The following AHCYL1 variants were observed in gnomAD, a reference collection of about 807,000 sequenced individuals.
AHCYL1 encodes the protein adenosylhomocysteinase like 1, also known as S-adenosylhomocysteine hydrolase-like protein 1.
Under a neutral mutation model 79.3 loss-of-function variants are expected in AHCYL1, and 20 were observed. The ratio of observed to expected loss-of-function variants is 0.25; its 90% CI spans 0.18 to 0.37. The LOEUF (loss-of-function observed/expected upper bound fraction) is 0.37. Ranked by LOEUF, AHCYL1 falls within the 10% of genes least tolerant of loss-of-function variation. AHCYL1 has a pLI of 1.00. For synonymous variants in AHCYL1, 223 were observed against 242.2 expected, an observed-to-expected ratio of 0.92 and a Z score of 0.74; for missense variants, 330 against 673.6, an observed-to-expected ratio of 0.49 and a Z score of 5.65.
chr1:110,016,721 C>G lies in AHCYL1; in HGVS notation c.954C>G (p.Gly318=), dbSNP rs757610161. 1 of 1,614,082 alleles carries G rather than the reference C, an allele frequency of 6.2e-7. No individual in the cohort carries two copies. The highest frequency in any genetic ancestry group is 8.5e-7 in the Non-Finnish European group (1 of 1,180,020). ...GTGGGAAACAAGTGGTGGTGTGTGGCTATGGTGAGGTAAATAGCTGGGTCT... is the reference window on the plus strand; with the variant it reads ...GTGGGAAACAAGTGGTGGTGTGTGGGTATGGTGAGGTAAATAGCTGGGTCT... ...MFGGKQVVVC[G]YGEVGKGCCA... The change falls in exon 9 of 17, where the codon GGC becomes GGG. Residue 318 remains glycine (G), a synonymous_variant. Coordinates refer to ENST00000369799, the MANE Select transcript of AHCYL1 (RefSeq NM_006621.7).
In AHCYL1 at chr1:110,019,470, C is replaced by T. The variant is rs1010767812; in HGVS notation, c.1387-78C>T. ...GATCACTGTAGTACTTACCCAAATG[C>T]TGTTTAACCTGGTTTTATTTTTATG... On this transcript the variant is annotated intron_variant, in intron 14 of 16. Transcript: ENST00000369799. The T allele has an allele frequency of 3.6e-5, 47 of 1,304,322 alleles. 1 individual carries two copies. The highest frequency in any genetic ancestry group is 6.0e-5 in the Admixed American group (3 of 50,350). 80.8% of individuals were successfully genotyped at this position (1,304,322 alleles called of 1,614,324 possible).
intron 13 of AHCYL1, 130 bp from the exon 14 acceptor site, chr1:110,018,921 C>A: frequency 1.1e-6 from 1 of 900,414 alleles, no homozygotes; most frequent in Non-Finnish European, 1.8e-6. Context: ...GAGTCCTGAT[C>A]TGGAACTGTA....
rs1218434777 is a variant in AHCYL1 at position 110,009,107 on chromosome 1, G to A, written c.194G>A (p.Arg65His). 3.1e-6 allele frequency: 5 copies of A among 1,613,664 alleles called. No homozygotes were observed. The highest frequency in any genetic ancestry group is 4.5e-5 in the East Asian group (2 of 44,880). ...AAAACTGGCCGAAGATCTTTGTCTCGCTCGATCTCACAGTCCTCCACTGAC... is the reference window on the plus strand; with the variant it reads ...AAAACTGGCCGAAGATCTTTGTCTCACTCGATCTCACAGTCCTCCACTGAC... ...PTKTGRRSLS[R>H]SISQSSTDSY... The change falls in exon 2 of 17, where the codon CGC becomes CAC. Residue 65 changes from arginine (R) to histidine (H), a missense_variant. By Grantham distance (29) the Arg-to-His change is conservative. This residue lies in a region of AHCYL1 where 97 missense variants were observed against 176.3 expected (regional missense o/e 0.55). Coordinates refer to ENST00000369799, the MANE Select transcript of AHCYL1 (RefSeq NM_006621.7).
intron 8 of AHCYL1, 68 bp from the exon 9 acceptor site, chr1:110,016,599 T>C: frequency 1.9e-6 from 3 of 1,607,056 alleles, no homozygotes; most frequent in East Asian, 2.2e-5. Flanking sequence ...CCCACACTTT[T>C]AACTTTGTGA....
intron 1 of AHCYL1, among the ~76,000 whole-genome samples, chr1:109,993,149 A>C (rs1649855725): frequency 1.3e-5 from 2 of 151,708 alleles, no homozygotes; most frequent in African/African-American, 4.8e-5. Context: ...TATTATCTCA[A>C]CTCTACTGCT....
intron 1 of AHCYL1, among the ~76,000 whole-genome samples, chr1:109,994,725 G>A (rs1377239202): frequency 6.6e-6 from 1 of 152,196 alleles, no homozygotes; most frequent in African/African-American, 2.4e-5. Flanking sequence ...AGGGTTCAGT[G>A]CCCAGCTTCT....
At chr1:109,988,503 G>A (rs908892547) in intron 1 of AHCYL1, among the ~76,000 whole-genome samples, 1 of 152,202 alleles carries the variant, frequency 6.6e-6, no homozygotes, top group Non-Finnish European at 1.5e-5. Context: ...TTGTGTAACA[G>A]GAGTGGTAAC....
rs1651921382 is a variant in AHCYL1 at position 110,023,459 on chromosome 1, T to A, written c.*1779T>A. On this transcript the variant is annotated 3_prime_UTR_variant, in exon 17 of 17. Transcript: ENST00000369799. ...AACAGTGTATCCATCACGTTAGCCC[T>A]GCTGGAGGGAAGGGACCCACATTCA... The A allele has an allele frequency of 6.6e-6, 1 of 152,618 alleles. No individual in the cohort carries two copies. The allele number at this position is 152,618 out of a possible 1,614,324, so 9.5% of individuals were successfully genotyped here.
At position 110,009,023 on chromosome 1, in the gene AHCYL1, C is replaced by A; in HGVS notation, c.121-11C>A. 6.2e-7 allele frequency: 1 copy of A among 1,604,440 alleles called. No individual in the cohort carries two copies. Among genetic ancestry groups the A allele is most frequent in the South Asian group, 1.1e-5 (1 of 89,702 alleles). Reference sequence around the variant, plus strand: ...TATAAGTTTTCAACTTTTTGTCTTCCTTTTGTATAGCAAATCCAGTTTGCT... The same window carrying A: ...TATAAGTTTTCAACTTTTTGTCTTCATTTTGTATAGCAAATCCAGTTTGCT... On this transcript the variant is annotated splice_polypyrimidine_tract_variant and intron_variant, in intron 1 of 16. Coordinates refer to ENST00000369799, the MANE Select transcript of AHCYL1 (RefSeq NM_006621.7).
chr1:109,997,250 G>A (rs542670185), intron 1 of AHCYL1, among the ~76,000 whole-genome samples: 12 of 152,306 alleles, frequency 7.9e-5, no homozygotes, highest in Non-Finnish European at 1.6e-4. Flanking sequence ...TAGACTGAGA[G>A]TGATAGTAAA....
intron 2 of AHCYL1, among the ~76,000 whole-genome samples, chr1:110,009,401 A>G (rs1443867928): frequency 1.3e-5 from 2 of 152,192 alleles, no homozygotes; most frequent in African/African-American, 4.8e-5. Context: ...GGACTGGGCT[A>G]GTTCCCATTC....
At chr1:110,011,173 T>G (rs1317540946) in intron 2 of AHCYL1, 41 bp from the exon 3 acceptor site, 1 of 1,610,120 alleles carries the variant, frequency 6.2e-7, no homozygotes, top group East Asian at 2.2e-5. Context: ...TGGGGACCAC[T>G]GAGGTTTTTC....
At chr1:110,011,434 T>C (rs1236325775) in intron 3 of AHCYL1, 77 bp downstream of exon 3, 7 of 1,571,104 alleles carry the variant, frequency 4.5e-6, no homozygotes, top group Non-Finnish European at 6.0e-6. Context: ...AACTTAAGAC[T>C]TGAAAGCTGA....
intron 1 of AHCYL1, among the ~76,000 whole-genome samples, chr1:109,993,098 C>G (rs1337670814): frequency 6.6e-6 from 1 of 152,170 alleles, no homozygotes; most frequent in Non-Finnish European, 1.5e-5. Context: ...ACTTAACACA[C>G]ATTCGAACCG....
intron 14 of AHCYL1, 71 bp downstream of exon 14, chr1:110,019,190 G>A: frequency 7.1e-7 from 1 of 1,407,478 alleles, no homozygotes; most frequent in Non-Finnish European, 1.0e-6. Context: ...TTCCAGTGAG[G>A]GTGTACTGTA....
At chr1:110,010,076 G>A (rs938876342) in intron 2 of AHCYL1, among the ~76,000 whole-genome samples, 2 of 152,198 alleles carry the variant, frequency 1.3e-5, no homozygotes, top group African/African-American at 4.8e-5. Context: ...ATAAAAAGTG[G>A]TGTGTGACAA....
In AHCYL1 at chr1:110,016,766, T is replaced by G. The variant is rs780554518; in HGVS notation, c.963+36T>G. The G allele has an allele frequency of 1.2e-5, 19 of 1,612,514 alleles. No individual in the cohort carries two copies. The South Asian group carries it at 2.1e-4, about 18-fold the overall frequency. The stretch of plus-strand genomic sequence containing the variant: ...GGGTCTCAGTGTCTCTTTCTTTTTG[T>G]GTACTTATTAGAAATATTGGGTAAA... On this transcript the variant is annotated intron_variant, in intron 9 of 16. Coordinates refer to ENST00000369799, the MANE Select transcript of AHCYL1 (RefSeq NM_006621.7).
intron 1 of AHCYL1, among the ~76,000 whole-genome samples, chr1:109,995,199 A>C (rs1557761229): frequency 6.6e-6 from 1 of 152,162 alleles, no homozygotes. Context: ...TTATTTCTCT[A>C]CCTAGTTTAT....
intron 7 of AHCYL1, among the ~76,000 whole-genome samples, 185 bp from the exon 8 acceptor site, chr1:110,016,159 A>G (rs1360318126): frequency 1.3e-5 from 2 of 152,242 alleles, no homozygotes; most frequent in Non-Finnish European, 2.9e-5. Context: ...TAAAGGGAGA[A>G]GAAAATGAAA....
Sources: gnomAD v4.1 joint callset for allele counts (sites outside exome capture counted in the v4.1 genomes callset) on GRCh38, gnomAD v4.1.1 for gene constraint, gnomAD v4.1.1 regional missense constraint, MANE v1.5 for transcripts, NCBI Gene and HGNC (gene_info 2026-07-23, HGNC 2026-07-21) for gene names.